Variants in TGM7 observed in about 807,000 individuals in gnomAD.
TGM7 encodes protein-glutamine gamma-glutamyltransferase Z.
A neutral mutation model predicts 79.5 loss-of-function variants in TGM7; 74 were observed. The observed-to-expected ratio is 0.93, with a 90% CI of 0.77 to 1.13. TGM7 has a LOEUF of 1.13. TGM7 is among the 50% of genes most tolerant of loss of function. The pLI is 0.00. For synonymous variants in TGM7, 354 were observed against 362.5 expected, an observed-to-expected ratio of 0.98 and a Z score of 0.27; for missense variants, 912 against 905.9, an observed-to-expected ratio of 1.01 and a Z score of -0.09.
chr15:43,292,908 G>A lies in TGM7; in HGVS notation c.240C>T (p.Leu80=). The A allele has an allele frequency of 1.2e-6, 2 of 1,613,882 alleles. No individual in the cohort carries two copies. The highest frequency in any genetic ancestry group is 1.1e-5 in the South Asian group (1 of 91,080). Residue 80 remains leucine (L), a synonymous_variant, in exon 3 of 13, where the codon CTC becomes CTT. Transcript: ENST00000452443. ...ELLGTRATFF[L]TRVQPGNVWS... ...AGACATTCCCGGGCTGGACCCGGGT[G>A]AGGAAGAATGTGGCTCGGGTCCCCA...
At position 43,292,662 on chromosome 15, in the gene TGM7, C is replaced by T. The variant is rs1050013937; in HGVS notation, c.439+47G>A. The T allele has an allele frequency of 2.5e-6, 4 of 1,603,612 alleles. No individual in the cohort carries two copies. In the African/African-American group the frequency reaches 4.0e-5, roughly 16 times the overall value. The stretch of plus-strand genomic sequence containing the variant: ...CTTTTTCCAAAGAACCTCACAGGGC[C>T]TTCCCAATGGATCAGGTTAGCAATA... On this transcript the variant is annotated intron_variant, in intron 3 of 12. Coordinates refer to ENST00000452443, the MANE Select transcript of TGM7 (RefSeq NM_052955.3).
intron 1 of TGM7, among the ~76,000 whole-genome samples, chr15:43,296,018 C>A (rs1418321705): frequency 6.6e-6 from 1 of 152,088 alleles, no homozygotes; most frequent in Non-Finnish European, 1.5e-5. Flanking sequence ...AGAGAGGTAG[C>A]CTGTAATAAG....
At chr15:43,280,262 C>T (rs557252518) in intron 9 of TGM7, among the ~76,000 whole-genome samples, 47 of 152,296 alleles carry the variant, frequency 3.1e-4, no homozygotes, top group African/African-American at 1.1e-3. Context: ...CTATCATCAT[C>T]ATCATGAAGC....
intron 4 of TGM7, among the ~76,000 whole-genome samples, chr15:43,290,160 A>T (rs2042956616): frequency 6.6e-6 from 1 of 152,118 alleles, no homozygotes; most frequent in Admixed American, 6.5e-5. Flanking sequence ...CCTGAATGGT[A>T]TTGCCTAGGT....
chr15:43,276,562 G>A lies in TGM7; in HGVS notation c.2026C>T (p.Pro676Ser). 6.2e-7 allele frequency: 1 copy of A among 1,614,152 alleles called. No homozygotes were observed. Residue 676 changes from proline to serine, a missense_variant, in exon 13 of 13, where the codon CCG becomes TCG. Coordinates refer to ENST00000452443, the MANE Select transcript of TGM7 (RefSeq NM_052955.3). Reference sequence around the variant, plus strand: ...AGCTGGCGGGGTCCAGCTTTGGTCGGGTAGAGGTCCAGTTGAATTTGGAGG... The same window carrying A: ...AGCTGGCGGGGTCCAGCTTTGGTCGAGTAGAGGTCCAGTTGAATTTGGAGG... ...HTLQIQLDLY[P>S]TKAGPRQLQV...
chr15:43,298,328 G>C (rs1252592283), intron 1 of TGM7, among the ~76,000 whole-genome samples: 1 of 152,192 alleles, frequency 6.6e-6, no homozygotes, highest in Non-Finnish European at 1.5e-5. Flanking sequence ...AGGGCAGCAG[G>C]GCCAGGATGA....
At chr15:43,277,842 A>G (rs2042885731) in intron 11 of TGM7, among the ~76,000 whole-genome samples, 1 of 152,236 alleles carries the variant, frequency 6.6e-6, no homozygotes, top group Non-Finnish European at 1.5e-5. Flanking sequence ...CTGGGGTCCA[A>G]ACAAAAATAC....
At chr15:43,290,167 A>G (rs570709954) in intron 4 of TGM7, among the ~76,000 whole-genome samples, 160 of 152,246 alleles carry the variant, frequency 1.1e-3, no homozygotes, top group African/African-American at 3.8e-3. Context: ...GGTATTGCCT[A>G]GGTTTTCTTC....
chr15:43,291,086 A>G (rs1386368063), intron 4 of TGM7, among the ~76,000 whole-genome samples: 1 of 152,194 alleles, frequency 6.6e-6, no homozygotes, highest in Non-Finnish European at 1.5e-5. Flanking sequence ...CCTGGCCAGA[A>G]CTTCCAACAC....
Position 43,276,565 on chromosome 15 carries a change from A to G in TGM7, c.2023T>C (p.Tyr675His). 2 of 1,614,126 alleles carry G rather than the reference A, an allele frequency of 1.2e-6. No homozygotes were observed. The highest frequency in any genetic ancestry group is 1.1e-5 in the South Asian group (1 of 91,076). ...TGGCGGGGTCCAGCTTTGGTCGGGT[A>G]GAGGTCCAGTTGAATTTGGAGGGTG... Reference protein sequence around the residue: ...GHTLQIQLDLYPTKAGPRQLQ... With the variant: ...GHTLQIQLDLHPTKAGPRQLQ... The change falls in exon 13 of 13, where the codon TAC (tyrosine) becomes CAC (histidine). Residue 675 changes from tyrosine to histidine, a missense_variant. Tyr to His is a moderately conservative substitution (Grantham distance 83, BLOSUM62 2). Coordinates refer to ENST00000452443, the MANE Select transcript of TGM7 (RefSeq NM_052955.3).
At position 43,279,656 on chromosome 15, in the gene TGM7, G is replaced by C; in HGVS notation, c.1647C>G (p.His549Gln). Residue 549 changes from histidine (H) to glutamine (Q), a missense_variant, in exon 10 of 13, where the codon CAC becomes CAG. Transcript: ENST00000452443. ...CAAAGTCCAGGTTCATCCGCACTGT[G>C]TGCCTCCAGAAGGGCTTCTGGGTAC... ...GGGTQKPFWRHTVRMNLDFGK... is the reference protein window; with the variant it reads ...GGGTQKPFWRQTVRMNLDFGK... 6.2e-7 allele frequency: 1 copy of C among 1,609,012 alleles called. No homozygotes were observed. Among genetic ancestry groups the C allele is most frequent in the Non-Finnish European group, 8.5e-7 (1 of 1,177,044 alleles).
chr15:43,283,589 A>AT (rs1452599593), intron 7 of TGM7, among the ~76,000 whole-genome samples: 2 of 152,050 alleles, frequency 1.3e-5, no homozygotes, highest in Non-Finnish European at 2.9e-5. Flanking sequence ...TTATTTATCT[A>AT]TTTTTTAAAA....
At chr15:43,295,400 G>C (rs868713461) in intron 1 of TGM7, among the ~76,000 whole-genome samples, 1 of 152,174 alleles carries the variant, frequency 6.6e-6, no homozygotes, top group Non-Finnish European at 1.5e-5. Context: ...AGACCAACCT[G>C]GCCAACATGG....
Position 43,279,786 on chromosome 15 carries a change from AG to A in TGM7, c.1516del (p.Leu506CysfsTer48). The A allele has an allele frequency of 3.1e-6, 5 of 1,614,162 alleles. No homozygotes were observed. The highest frequency in any genetic ancestry group is 3.4e-6 in the Non-Finnish European group (4 of 1,180,030). On this transcript the variant is annotated frameshift_variant, in exon 10 of 13. Coordinates refer to ENST00000452443, the MANE Select transcript of TGM7 (RefSeq NM_052955.3). LOFTEE classifies it high-confidence loss of function. ...LARIPEWGQD[L>X]QLLLRIQRVP... is the part of the protein sequence containing the mutation. ...CCTCTGGATACGCAGCAGCAGCTGC[AG>A]GTCCTGGCCCCACTCGGGTATCCTG...
At chr15:43,291,859 C>A in intron 4 of TGM7, 120 bp downstream of exon 4, 1 of 683,958 alleles carries the variant, frequency 1.5e-6, no homozygotes. Flanking sequence ...CCCTCACACC[C>A]TCGCCTGTAT....
At chr15:43,292,291 C>T (rs1473408600) in intron 3 of TGM7, among the ~76,000 whole-genome samples, 194 bp from the exon 4 acceptor site, 1 of 152,158 alleles carries the variant, frequency 6.6e-6, no homozygotes, top group Non-Finnish European at 1.5e-5. Context: ...ATACAATGTA[C>T]ACTTTAAAAA....
intron 1 of TGM7, among the ~76,000 whole-genome samples, chr15:43,296,110 A>G (rs865878510): frequency 1.3e-5 from 2 of 152,250 alleles, no homozygotes; most frequent in South Asian, 4.1e-4. Flanking sequence ...AGGTCATGAT[A>G]TAAATCATAG....
At chr15:43,281,771 T>C in intron 9 of TGM7, 73 bp downstream of exon 9, 1 of 1,577,418 alleles carries the variant, frequency 6.3e-7, no homozygotes, top group East Asian at 2.3e-5. Flanking sequence ...TGGTTTCAAC[T>C]TGGAGCCATC....
Position 43,276,496 on chromosome 15 carries a change from CT to C in TGM7, c.2091del (p.Gly698AlafsTer53). The C allele has an allele frequency of 6.2e-7, 1 of 1,614,050 alleles. No individual in the cohort carries two copies. The highest frequency in any genetic ancestry group is 8.5e-7 in the Non-Finnish European group (1 of 1,180,000). On this transcript the variant is annotated frameshift_variant, in exon 13 of 13. Coordinates refer to ENST00000452443, the MANE Select transcript of TGM7 (RefSeq NM_052955.3). LOFTEE classifies it high-confidence loss of function. ...ACAGTGACGAAGATGTCCTTGTAGC[CT>C]TTGATCTCCTTGACCTCGTTGCTGC... Reference protein sequence around the residue: ...LISSNEVKEIKGYKDIFVTVA... With the variant: ...LISSNEVKEIXGYKDIFVTVA...
Sources: gnomAD v4.1 joint callset for allele counts (sites outside exome capture counted in the v4.1 genomes callset) on GRCh38, gnomAD v4.1.1 for gene constraint, MANE v1.5 for transcripts, NCBI Gene and HGNC (gene_info 2026-07-23, HGNC 2026-07-21) for gene names.